Variants in FILIP1L observed in about 807,000 individuals in gnomAD.
The protein encoded by FILIP1L is filamin A-interacting protein 1-like.
A neutral mutation model predicts 96.6 loss-of-function variants in FILIP1L; 55 were observed. The observed-to-expected ratio is 0.57, with a 90% CI of 0.46 to 0.71. The LOEUF (loss-of-function observed/expected upper bound fraction) is 0.71. Among genes scored for constraint, FILIP1L ranks in the 30% least tolerant of loss-of-function variants. The probability of loss-of-function intolerance (pLI) is 0.00; values close to 1 mark genes in which losing one functional copy is unlikely to be tolerated. For synonymous variants in FILIP1L, 467 were observed against 473.9 expected, an observed-to-expected ratio of 0.99 and a Z score of 0.19; for missense variants, 1,304 against 1,321.2, an observed-to-expected ratio of 0.99 and a Z score of 0.20.
chr3:100,011,026 G>A (rs941664367), intron 1 of FILIP1L, among the ~76,000 whole-genome samples: 3 of 151,978 alleles, frequency 2.0e-5, no homozygotes, highest in African/African-American at 2.4e-5. Context: ...AATTTAGGAA[G>A]TACAAACCCA....
chr3:99,869,882 G>A (rs1944703744), intron 4 of FILIP1L, among the ~76,000 whole-genome samples: 3 of 152,184 alleles, frequency 2.0e-5, no homozygotes, highest in Admixed American at 2.0e-4. Context: ...TTCTGTCAGG[G>A]CAGCCCATCT....
intron 1 of FILIP1L, among the ~76,000 whole-genome samples, chr3:99,996,741 C>A (rs1173248139): frequency 6.6e-6 from 1 of 151,966 alleles, no homozygotes; most frequent in Non-Finnish European, 1.5e-5. Context: ...ATAAAACCAT[C>A]AGATCTCGTG....
intron 1 of FILIP1L, among the ~76,000 whole-genome samples, chr3:100,083,775 A>G (rs185872223): frequency 2.0e-4 from 31 of 152,240 alleles, no homozygotes; most frequent in Middle Eastern, 3.4e-3. Context: ...GGGTCTCCCT[A>G]TGTTGCCCAG....
chr3:99,882,335 C>A (rs773983032), intron 4 of FILIP1L, among the ~76,000 whole-genome samples: 5 of 152,088 alleles, frequency 3.3e-5, no homozygotes, highest in Non-Finnish European at 7.4e-5. Flanking sequence ...TTTTGTCTGG[C>A]AACTTCTTCC....
At chr3:99,941,578 G>A (rs562545429) in intron 1 of FILIP1L, among the ~76,000 whole-genome samples, 3 of 152,330 alleles carry the variant, frequency 2.0e-5, no homozygotes, top group South Asian at 2.1e-4. Context: ...AAGGTCAACT[G>A]TGGGTATGCA....
intron 4 of FILIP1L, among the ~76,000 whole-genome samples, chr3:99,918,198 G>A (rs1459418337): frequency 6.6e-6 from 1 of 151,940 alleles, no homozygotes; most frequent in Non-Finnish European, 1.5e-5. Context: ...GGCTGGTCTC[G>A]AACCCTTGAC....
At chr3:99,880,679 ATTAAT>A (rs1338011327) in intron 4 of FILIP1L, among the ~76,000 whole-genome samples, 2 of 152,074 alleles carry the variant, frequency 1.3e-5, no homozygotes, top group East Asian at 1.9e-4. Flanking sequence ...TTGTTTTAAA[ATTAAT>A]TTAAAATTTT....
intron 1 of FILIP1L, among the ~76,000 whole-genome samples, chr3:100,069,088 T>TATA (rs1408329445): frequency 2.0e-5 from 3 of 152,220 alleles, no homozygotes; most frequent in Admixed American, 2.0e-4. Context: ...CTCATACAAG[T>TATA]CTGGTGCCTC....
At chr3:99,966,321 A>G (rs1708650302) in intron 1 of FILIP1L, among the ~76,000 whole-genome samples, 4 of 152,150 alleles carry the variant, frequency 2.6e-5, no homozygotes, top group Non-Finnish European at 4.4e-5. Flanking sequence ...CACCACCAGT[A>G]GCCCTTCCTT....
intron 1 of FILIP1L, among the ~76,000 whole-genome samples, chr3:100,064,031 C>A (rs1359530751): frequency 6.6e-6 from 1 of 152,168 alleles, no homozygotes; most frequent in African/African-American, 2.4e-5. Context: ...TCTCAAACCT[C>A]GGACCTCTAG....
At position 99,987,421 on chromosome 3, in the gene FILIP1L, C is replaced by T. The variant is rs186495916; in HGVS notation, c.-10-56391G>A. The stretch of plus-strand genomic sequence containing the variant: ...GCATACACCTGTTATCTCAGCTACT[C>T]GGGAGGCTGAGACAGGAGACTCTCT... On this transcript the variant is annotated intron_variant, in intron 1 of 5. Transcript: ENST00000477258. Among the ~76,000 whole-genome samples, 564 of 149,446 alleles carry T rather than the reference C, an allele frequency of 3.8e-3. 4 individuals are homozygous for T. The highest frequency in any genetic ancestry group is 0.013 in the African/African-American group (531 of 40,460).
chr3:100,070,312 G>C (rs1052633236), intron 1 of FILIP1L, among the ~76,000 whole-genome samples: 3 of 152,204 alleles, frequency 2.0e-5, no homozygotes, highest in Non-Finnish European at 4.4e-5. Flanking sequence ...ACTTGAAAGA[G>C]TGTGATCAGA....
intron 1 of FILIP1L, among the ~76,000 whole-genome samples, chr3:99,935,147 A>T (rs1040138550): frequency 1.3e-5 from 2 of 152,130 alleles, no homozygotes; most frequent in African/African-American, 4.8e-5. Flanking sequence ...TTGTATTATC[A>T]GTGACTTCAT....
intron 1 of FILIP1L, among the ~76,000 whole-genome samples, chr3:100,021,053 C>T (rs1272951024): frequency 6.6e-6 from 1 of 152,194 alleles, no homozygotes; most frequent in African/African-American, 2.4e-5. Context: ...GCGTGAGCCA[C>T]CACGCCTAGC....
intron 1 of FILIP1L, among the ~76,000 whole-genome samples, chr3:99,987,543 AAAAG>A (rs1436441211): frequency 6.5e-4 from 98 of 151,032 alleles, no homozygotes; most frequent in African/African-American, 1.7e-3. Flanking sequence ...AAAAAAAAAA[AAAAG>A]AAAGAAAGAA....
At chr3:99,969,294 G>T (rs1184325936) in intron 1 of FILIP1L, among the ~76,000 whole-genome samples, 1 of 152,186 alleles carries the variant, frequency 6.6e-6, no homozygotes, top group East Asian at 1.9e-4. Flanking sequence ...GAAGGATGTA[G>T]CCTTGTTTGG....
intron 1 of FILIP1L, among the ~76,000 whole-genome samples, chr3:99,937,050 G>C (rs2107671161): frequency 6.6e-6 from 1 of 152,190 alleles, no homozygotes. Context: ...CAATTTTCCT[G>C]CCTCAGCCTC....
intron 1 of FILIP1L, among the ~76,000 whole-genome samples, chr3:99,985,404 C>T (rs1482101692): frequency 1.3e-5 from 2 of 151,830 alleles, no homozygotes; most frequent in East Asian, 3.9e-4. Context: ...TGGTGGTGCA[C>T]GCCTGTGGTA....
At chr3:99,996,690 G>A (rs74840152) in intron 1 of FILIP1L, among the ~76,000 whole-genome samples, 1 of 152,134 alleles carries the variant, frequency 6.6e-6, no homozygotes, top group South Asian at 2.1e-4. Flanking sequence ...ACATGGGGGT[G>A]GCAAGAGAAA....
Sources: gnomAD v4.1 joint callset for allele counts (sites outside exome capture counted in the v4.1 genomes callset) on GRCh38, gnomAD v4.1.1 for gene constraint, MANE v1.5 for transcripts, NCBI Gene and HGNC (gene_info 2026-07-23, HGNC 2026-07-21) for gene names.